The following ONECUT2 variants were observed in gnomAD, a reference collection of about 807,000 sequenced individuals.
The protein encoded by ONECUT2 is one cut homeobox 2.
A neutral mutation model predicts 27.9 loss-of-function variants in ONECUT2; 10 were observed. The observed-to-expected ratio is 0.36, with a 90% CI of 0.22 to 0.61. The LOEUF is 0.61. Among genes scored for constraint, ONECUT2 ranks in the 20% least tolerant of loss-of-function variants. The probability of loss-of-function intolerance (pLI) is 0.73; values close to 1 mark genes in which losing one functional copy is unlikely to be tolerated. For synonymous variants in ONECUT2, 334 were observed against 315.1 expected, an observed-to-expected ratio of 1.06 and a Z score of -0.64; for missense variants, 686 against 721.0, an observed-to-expected ratio of 0.95 and a Z score of 0.56.
At position 57,435,835 on chromosome 18, in the gene ONECUT2, G is replaced by A. The variant is rs762519455; in HGVS notation, c.119G>A (p.Ser40Asn). The change falls in exon 1 of 2, where the codon AGT becomes AAT. Residue 40 changes from serine to asparagine, a missense_variant. Coordinates refer to ENST00000491143, the MANE Select transcript of ONECUT2 (RefSeq NM_004852.3). ...GTLHGPAGGG[S>N]GGGGGGGGGG... is the part of the protein sequence containing the mutation. Reference sequence around the variant, plus strand: ...TTGCACGGGCCGGCCGGCGGCGGCAGTGGCGGGGGCGGCGGCGGGGGCGGC... The same window carrying A: ...TTGCACGGGCCGGCCGGCGGCGGCAATGGCGGGGGCGGCGGCGGGGGCGGC... 1.0e-5 allele frequency: 11 copies of A among 1,086,068 alleles called. No homozygotes were observed. The highest frequency in any genetic ancestry group is 4.5e-4 in the Middle Eastern group (1 of 2,234). 67.3% of individuals were successfully genotyped at this position (1,086,068 alleles called of 1,614,324 possible). A position where few individuals can be genotyped will look rare whatever the true frequency, so the allele number is the denominator to read the frequency against.
rs761874383 is a variant in ONECUT2 at position 57,435,845 on chromosome 18, C to A, written c.129C>A (p.Gly43=). The A allele has an allele frequency of 1.0e-6, 1 of 974,432 alleles. No homozygotes were observed. Among genetic ancestry groups the A allele is most frequent in the Non-Finnish European group, 1.2e-6 (1 of 806,198 alleles). The allele number at this position is 974,432 out of a possible 1,614,324, so 60.4% of individuals were successfully genotyped here. A position where few individuals can be genotyped will look rare whatever the true frequency, so the allele number is the denominator to read the frequency against. The change falls in exon 1 of 2, where the codon GGC becomes GGA. Residue 43 remains glycine (G), a synonymous_variant. Transcript: ENST00000491143. ...HGPAGGGSGG[G]GGGGGGGGGG... is the part of the protein sequence containing the mutation. Reference sequence around the variant, plus strand: ...CGGCCGGCGGCGGCAGTGGCGGGGGCGGCGGCGGGGGCGGCGGGGGCGGCG... The same window carrying A: ...CGGCCGGCGGCGGCAGTGGCGGGGGAGGCGGCGGGGGCGGCGGGGGCGGCG...
rs532008669 is a variant in ONECUT2, at chr18:57,438,022, C to A, written c.1228+1078C>A. On this transcript the variant is annotated intron_variant, in intron 1 of 1. Coordinates refer to ENST00000491143, the MANE Select transcript of ONECUT2 (RefSeq NM_004852.3). The stretch of plus-strand genomic sequence containing the variant: ...GGAGCCGGCTCGGCTCTTTGTGCCT[C>A]CTCTAGCGGCCAAGCTGCGAGGTAC... 9.8e-5 allele frequency among the ~76,000 whole-genome samples: 15 copies of A among 152,366 alleles called. No homozygotes were observed. The South Asian group carries it at 3.1e-3, about 32-fold the overall frequency.
intron 1 of ONECUT2, among the ~76,000 whole-genome samples, chr18:57,445,650 T>G (rs1598931922): frequency 1.3e-5 from 2 of 152,190 alleles, no homozygotes; most frequent in South Asian, 4.1e-4. Flanking sequence ...AAGGGCAGAG[T>G]TCAGCTATGG....
At chr18:57,458,081 C>T (rs2050270035) in intron 1 of ONECUT2, among the ~76,000 whole-genome samples, 1 of 152,102 alleles carries the variant, frequency 6.6e-6, no homozygotes, top group African/African-American at 2.4e-5. Context: ...TGCAACAAAC[C>T]TGCACGTTGT....
chr18:57,436,287 G>T lies in ONECUT2; in HGVS notation c.571G>T (p.Val191Phe), dbSNP rs566844091. The change falls in exon 1 of 2, where the codon GTC becomes TTC. Residue 191 changes from valine to phenylalanine, a missense_variant. By Grantham distance (50) the Val-to-Phe change is conservative. Coordinates refer to ENST00000491143, the MANE Select transcript of ONECUT2 (RefSeq NM_004852.3). This position sits in a 1 kb window ranked among gnomAD's most constrained non-coding sequence, Gnocchi z 5.9. ...HHHHQRLSGN[V>F]SGSFTLMRDE... ...CCACCACCAGCGCCTGTCCGGCAAC[G>T]TCAGCGGCAGCTTCACCCTCATGCG... is the stretch of plus-strand genomic sequence containing the variant. 2 of 1,603,930 alleles carry T rather than the reference G, an allele frequency of 1.2e-6. No individual in the cohort carries two copies. The highest frequency in any genetic ancestry group is 1.7e-6 in the Non-Finnish European group (2 of 1,179,428).
intron 1 of ONECUT2, among the ~76,000 whole-genome samples, chr18:57,440,583 C>A (rs72930578): frequency 1.0e-3 from 153 of 152,342 alleles, no homozygotes; most frequent in Non-Finnish European, 1.8e-3. Context: ...GTTCAGGCGG[C>A]CGAGGGCCCT....
intron 1 of ONECUT2, among the ~76,000 whole-genome samples, chr18:57,470,336 G>T (rs2050346429): frequency 6.6e-6 from 1 of 152,170 alleles, no homozygotes; most frequent in Non-Finnish European, 1.5e-5. Flanking sequence ...CAGAAACTGT[G>T]GAGGCTGGGA....
rs1261270229 is a variant in ONECUT2, at chr18:57,435,642, G to T, written c.-75G>T. On this transcript the variant is annotated 5_prime_UTR_variant, in exon 1 of 2. Coordinates refer to ENST00000491143, the MANE Select transcript of ONECUT2 (RefSeq NM_004852.3). ...CGCCCGCCCCCACTCCCGCAGCCGA[G>T]CCCCGCCACGCGCGCCTTGCCCGCC... 2 of 986,238 alleles carry T rather than the reference G, an allele frequency of 2.0e-6. No individual in the cohort carries two copies. Among genetic ancestry groups the T allele is most frequent in the South Asian group, 9.1e-5 (2 of 21,958 alleles). 61.1% of individuals were successfully genotyped at this position (986,238 alleles called of 1,614,324 possible). A position where few individuals can be genotyped will look rare whatever the true frequency, so the allele number is the denominator to read the frequency against.
At position 57,435,627 on chromosome 18, in the gene ONECUT2, C is replaced by T; in HGVS notation, c.-90C>T. On this transcript the variant is annotated 5_prime_UTR_variant, in exon 1 of 2. Transcript: ENST00000491143. ...CTCCACTCACTCCCGCGCCCGCCCC[C>T]ACTCCCGCAGCCGAGCCCCGCCACG... 2.0e-6 allele frequency: 2 copies of T among 982,292 alleles called. No homozygotes were observed. Among genetic ancestry groups the T allele is most frequent in the African/African-American group, 1.8e-5 (1 of 56,298 alleles). 60.8% of individuals were successfully genotyped at this position (982,292 alleles called of 1,614,324 possible). A position where few individuals can be genotyped will look rare whatever the true frequency, so the allele number is the denominator to read the frequency against.
At position 57,483,985 on chromosome 18, in the gene ONECUT2, C is replaced by T. The variant is rs1428432774; in HGVS notation, c.*7262C>T. On this transcript the variant is annotated 3_prime_UTR_variant, in exon 2 of 2. Coordinates refer to ENST00000491143, the MANE Select transcript of ONECUT2 (RefSeq NM_004852.3). ...CAACAGAGCAAATTTTGTGGACAAG[C>T]AATGACTATTCAGCCTGAACCTGTG... 2 of 152,604 alleles carry T rather than the reference C, an allele frequency of 1.3e-5. No homozygotes were observed. The highest frequency in any genetic ancestry group is 2.9e-5 in the Non-Finnish European group (2 of 68,046). The allele number at this position is 152,604 out of a possible 1,614,324, so 9.5% of individuals were successfully genotyped here.
In ONECUT2 at chr18:57,435,813, C is replaced by T; in HGVS notation, c.97C>T (p.His33Tyr). The T allele has an allele frequency of 8.7e-7, 1 of 1,149,316 alleles. No homozygotes were observed. Among genetic ancestry groups the T allele is most frequent in the South Asian group, 2.3e-5 (1 of 43,204 alleles). The allele number at this position is 1,149,316 out of a possible 1,614,324, so 71.2% of individuals were successfully genotyped here. Reference protein sequence around the residue: ...ELTMESLGTLHGPAGGGSGGG... With the variant: ...ELTMESLGTLYGPAGGGSGGG... ...GACAATGGAAAGTCTGGGCACTTTG[C>T]ACGGGCCGGCCGGCGGCGGCAGTGG... The change falls in exon 1 of 2, where the codon CAC becomes TAC. Residue 33 changes from histidine (H) to tyrosine (Y), a missense_variant. By Grantham distance (83) the His-to-Tyr change is moderately conservative (BLOSUM62 2). Transcript: ENST00000491143.
chr18:57,459,975 T>A (rs1350337269), intron 1 of ONECUT2, among the ~76,000 whole-genome samples: 2 of 152,196 alleles, frequency 1.3e-5, no homozygotes, highest in Non-Finnish European at 2.9e-5. Flanking sequence ...TAGGCTGAGA[T>A]GCAGAGCCCC....
chr18:57,460,682 C>T (rs945922818), intron 1 of ONECUT2, among the ~76,000 whole-genome samples: 3 of 139,194 alleles, frequency 2.2e-5, no homozygotes, highest in African/African-American at 8.1e-5. Flanking sequence ...TCTATTCATT[C>T]AAATCTTTTT....
At chr18:57,437,080 C>T in intron 1 of ONECUT2, 136 bp downstream of exon 1, 2 of 1,408,216 alleles carry the variant, frequency 1.4e-6, no homozygotes, top group Admixed American at 2.9e-5. Context: ...TCTTTCTTCT[C>T]GTTTTTATTT....
rs568054808 is a variant in ONECUT2 at position 57,483,073 on chromosome 18, T to C, written c.*6350T>C. The C allele has an allele frequency of 6.6e-6, 1 of 151,634 alleles. No individual in the cohort carries two copies. Among genetic ancestry groups the C allele is most frequent in the East Asian group, 1.9e-4 (1 of 5,140 alleles). 9.4% of individuals were successfully genotyped at this position (151,634 alleles called of 1,614,324 possible). On this transcript the variant is annotated 3_prime_UTR_variant, in exon 2 of 2. Transcript: ENST00000491143. ...TTCGGTTGAATAGCTTTATTCTGGA[T>C]TTTTCATAACTAAAGCTAAATCCAA...
rs554533538 is a variant in ONECUT2, at chr18:57,461,730, A to G, written c.1229-14707A>G. ...CTGGGGTATTTATCTGGCAGCTCCAATTATTCCCTAATTGAGGAAATCTCC... is the reference window on the plus strand; with the variant it reads ...CTGGGGTATTTATCTGGCAGCTCCAGTTATTCCCTAATTGAGGAAATCTCC... On this transcript the variant is annotated intron_variant, in intron 1 of 1. Coordinates refer to ENST00000491143, the MANE Select transcript of ONECUT2 (RefSeq NM_004852.3). Among the ~76,000 whole-genome samples, 80 of 152,352 alleles carry G rather than the reference A, an allele frequency of 5.3e-4. 1 individual carries two copies. The highest frequency in any genetic ancestry group is 4.1e-3 in the Admixed American group (63 of 15,308).
rs1446047199 is a variant in ONECUT2, at chr18:57,478,634, G to C, written c.*1911G>C. 6.6e-6 allele frequency: 1 copy of C among 152,650 alleles called. No homozygotes were observed. Among genetic ancestry groups the C allele is most frequent in the African/African-American group, 2.4e-5 (1 of 41,448 alleles). The allele number at this position is 152,650 out of a possible 1,614,324, so 9.5% of individuals were successfully genotyped here. ...ATAGAAATAAGGAAGAGCCTCAGTG[G>C]CTGCTGCTTCATTTGACAACTCACA... On this transcript the variant is annotated 3_prime_UTR_variant, in exon 2 of 2. Coordinates refer to ENST00000491143, the MANE Select transcript of ONECUT2 (RefSeq NM_004852.3).
At chr18:57,437,378 C>G (rs2144284709) in intron 1 of ONECUT2, among the ~76,000 whole-genome samples, 1 of 152,346 alleles carries the variant, frequency 6.6e-6, no homozygotes, top group Middle Eastern at 3.4e-3. Flanking sequence ...CTCTTTTAGA[C>G]AACACATTTC....
At chr18:57,441,638 C>T (rs1442272485) in intron 1 of ONECUT2, among the ~76,000 whole-genome samples, 2 of 152,270 alleles carry the variant, frequency 1.3e-5, no homozygotes, top group Non-Finnish European at 2.9e-5. Flanking sequence ...CCTAACTATC[C>T]TGTGCTTGGC....
Sources: gnomAD v4.1 joint callset for allele counts (sites outside exome capture counted in the v4.1 genomes callset) on GRCh38, gnomAD v4.1.1 for gene constraint, Gnocchi (gnomAD v3.1) non-coding constraint, MANE v1.5 for transcripts, NCBI Gene and HGNC (gene_info 2026-07-23, HGNC 2026-07-21) for gene names.